RGL1: variants seen among roughly 807,000 people sequenced by gnomAD.
RGL1 encodes the protein ral guanine nucleotide dissociation stimulator like 1, also known as ral guanine nucleotide dissociation stimulator-like 1.
Under a neutral mutation model 95.2 loss-of-function variants are expected in RGL1, and 24 were observed. That is an observed-to-expected ratio of 0.25 (90% CI 0.18 to 0.35). The LOEUF is 0.35. Among genes scored for constraint, RGL1 ranks in the 10% least tolerant of loss-of-function variants. The pLI is 1.00. For missense variants in RGL1, 715 were observed against 936.3 expected (o/e 0.76, Z 3.08); for synonymous variants, 329 against 344.9 (o/e 0.95, Z 0.51).
At chr1:183,732,340 A>C (rs10911425) in intron 1 of RGL1, among the ~76,000 whole-genome samples, 23,698 of 152,180 alleles carry the variant, frequency 0.16, 2,473 homozygotes, top group East Asian at 0.41. Flanking sequence ...AAGAAACTGT[A>C]ACCCAGTTGG....
At chr1:183,790,885 G>A (rs139889108) in intron 2 of RGL1, among the ~76,000 whole-genome samples, 3 of 150,840 alleles carry the variant, frequency 2.0e-5, no homozygotes, top group Admixed American at 6.7e-5. Flanking sequence ...CCCCTCCCAC[G>A]ATATATACAC....
At chr1:183,693,751 G>A (rs1407516989) in intron 1 of RGL1, among the ~76,000 whole-genome samples, 1 of 152,088 alleles carries the variant, frequency 6.6e-6, no homozygotes. Flanking sequence ...TACACTACCT[G>A]TAGGCCTTCC....
At chr1:183,921,930 G>A (rs1558296896) in intron 16 of RGL1, among the ~76,000 whole-genome samples, 4 of 152,072 alleles carry the variant, frequency 2.6e-5, no homozygotes, top group Admixed American at 2.0e-4. Context: ...ATTCTTTCAC[G>A]GGAACTTCAA....
chr1:183,706,716 C>T (rs907414892), intron 1 of RGL1, among the ~76,000 whole-genome samples: 12 of 150,162 alleles, frequency 8.0e-5, no homozygotes, highest in African/African-American at 2.2e-4. Flanking sequence ...CTGCGGCCCC[C>T]GTGGGCCCAC....
At chr1:183,696,212 T>C (rs1654243408) in intron 1 of RGL1, among the ~76,000 whole-genome samples, 1 of 152,154 alleles carries the variant, frequency 6.6e-6, no homozygotes, top group South Asian at 2.1e-4. Context: ...TCACTCCACT[T>C]ACTCTCCAAG....
chr1:183,682,573 T>C (rs962646706), intron 1 of RGL1, among the ~76,000 whole-genome samples: 3 of 152,032 alleles, frequency 2.0e-5, no homozygotes, highest in African/African-American at 4.8e-5. Context: ...TGCTGAGGAG[T>C]GTTTTACTTT....
At chr1:183,849,141 G>A (rs1440247902) in intron 3 of RGL1, among the ~76,000 whole-genome samples, 1 of 152,030 alleles carries the variant, frequency 6.6e-6, no homozygotes, top group Non-Finnish European at 1.5e-5. Flanking sequence ...CTGGACTGGA[G>A]TGCAGTCACA....
intron 1 of RGL1, among the ~76,000 whole-genome samples, chr1:183,716,429 G>C (rs1039577936): frequency 3.3e-5 from 5 of 152,176 alleles, no homozygotes; most frequent in African/African-American, 9.7e-5. Context: ...GCTAAAAGAG[G>C]CCTCTTCATC....
chr1:183,652,466 C>T (rs961358227), intron 1 of RGL1, among the ~76,000 whole-genome samples: 5 of 152,192 alleles, frequency 3.3e-5, no homozygotes, highest in Non-Finnish European at 7.3e-5. Flanking sequence ...GTTCTTTGAT[C>T]ACCCTCATCT....
In RGL1 at chr1:183,841,415, A is replaced by C. The variant is rs544400841; in HGVS notation, c.139-6151A>C. ...ATCTGTCAACCCTAACCTAGCAAAA[A>C]AGTGACTTCCCACCCAATATTAGGT... On this transcript the variant is annotated intron_variant, in intron 2 of 17. Transcript: ENST00000360851. Among the ~76,000 whole-genome samples the C allele has an allele frequency of 7.2e-5, 11 of 152,306 alleles. No individual in the cohort carries two copies. In the East Asian group the frequency reaches 2.1e-3, roughly 29 times the overall value.
chr1:183,878,834 T>A (rs930751553), intron 4 of RGL1, among the ~76,000 whole-genome samples: 1 of 152,220 alleles, frequency 6.6e-6, no homozygotes, highest in Non-Finnish European at 1.5e-5. Flanking sequence ...GTATATGATA[T>A]GAATTATCAC....
At position 183,780,281 on chromosome 1, in the gene RGL1, GCATC is replaced by G. The variant is rs745564008; in HGVS notation, c.133-26090_133-26087del. Among the ~76,000 whole-genome samples, 133 of 152,096 alleles carry G rather than the reference GCATC, an allele frequency of 8.7e-4. 6 individuals are homozygous for G. The highest frequency in any genetic ancestry group is 5.2e-4 in the Admixed American group (8 of 15,276). Reference sequence around the variant, plus strand: ...GGAGCAGTCCTCCTTGTCGTCAAGGGCATCCATTTTTGAAACAGCTGTTTGGATT... The same window carrying G: ...GGAGCAGTCCTCCTTGTCGTCAAGGGCATTTTTGAAACAGCTGTTTGGATT... On this transcript the variant is annotated intron_variant, in intron 2 of 18. Transcript: ENST00000304685.
chr1:183,844,900 A>G (rs996384676), intron 2 of RGL1, among the ~76,000 whole-genome samples: 2 of 152,214 alleles, frequency 1.3e-5, no homozygotes, highest in Non-Finnish European at 2.9e-5. Context: ...CATAAGCTGG[A>G]GTCTTAATTT....
chr1:183,637,578 G>A (rs1649633540), intron 1 of RGL1, among the ~76,000 whole-genome samples: 1 of 152,128 alleles, frequency 6.6e-6, no homozygotes, highest in Admixed American at 6.5e-5. Flanking sequence ...TATCTATGCA[G>A]TATATTATAT....
chr1:183,814,220 G>A (rs1304565141), intron 2 of RGL1, among the ~76,000 whole-genome samples: 1 of 152,100 alleles, frequency 6.6e-6, no homozygotes, highest in East Asian at 1.9e-4. Context: ...AGAGAATCAT[G>A]TCATTTCCCA....
At chr1:183,695,459 C>A (rs1654198092) in intron 1 of RGL1, among the ~76,000 whole-genome samples, 1 of 152,058 alleles carries the variant, frequency 6.6e-6, no homozygotes, top group Non-Finnish European at 1.5e-5. Flanking sequence ...AAAAAGAAAC[C>A]AGGTTTCAGA....
intron 2 of RGL1, among the ~76,000 whole-genome samples, chr1:183,843,727 A>C (rs1664218027): frequency 6.6e-6 from 1 of 152,240 alleles, no homozygotes; most frequent in African/African-American, 2.4e-5. Context: ...CAAGGCGAGG[A>C]AGCTTGATTT....
chr1:183,652,621 C>A (rs771454211), intron 1 of RGL1, among the ~76,000 whole-genome samples: 13 of 152,176 alleles, frequency 8.5e-5, no homozygotes, highest in Admixed American at 2.6e-4. Context: ...TGGAAATGTA[C>A]CCTGTTTAGG....
In RGL1 at chr1:183,855,214, G is replaced by A. The variant is rs114261279; in HGVS notation, c.347+7440G>A. 3.4e-3 allele frequency among the ~76,000 whole-genome samples: 511 copies of A among 152,316 alleles called. 2 individuals are homozygous for A. Among genetic ancestry groups the A allele is most frequent in the African/African-American group, 0.011 (453 of 41,576 alleles). On this transcript the variant is annotated intron_variant, in intron 3 of 17. Transcript: ENST00000360851. ...CATGTTTAGTGGGAGAGACAAATAAGTCTATAGACTCGTGTCATCACTGTC... is the reference window on the plus strand; with the variant it reads ...CATGTTTAGTGGGAGAGACAAATAAATCTATAGACTCGTGTCATCACTGTC...
Sources: allele counts gnomAD v4.1 joint callset (sites outside exome capture counted in the v4.1 genomes callset), GRCh38; gene constraint gnomAD v4.1.1; transcripts MANE v1.5; gene names NCBI Gene and HGNC (gene_info 2026-07-23, HGNC 2026-07-21).